FOXN3: variants seen among roughly 807,000 people sequenced by gnomAD.
FOXN3 encodes forkhead box protein N3.
FOXN3 carries 7 observed loss-of-function variants against 38.4 expected under a neutral mutation model. The observed-to-expected ratio is 0.18, with a 90% CI of 0.10 to 0.34. FOXN3 has a LOEUF of 0.34. Among genes scored for constraint, FOXN3 ranks in the 10% least tolerant of loss-of-function variants. FOXN3 has a pLI of 1.00. For missense variants in FOXN3, 456 were observed against 613.4 expected (o/e 0.74, Z 2.71); for synonymous variants, 230 against 242.2 (o/e 0.95, Z 0.47).
chr14:89,379,516 C>T (rs1890579916), intron 2 of FOXN3, among the ~76,000 whole-genome samples: 1 of 152,072 alleles, frequency 6.6e-6, no homozygotes, highest in South Asian at 2.1e-4. Context: ...GGCAAGTGTG[C>T]CCTGGGGAGC....
At chr14:89,465,699 G>C (rs1385240368) in intron 1 of FOXN3, among the ~76,000 whole-genome samples, 1 of 152,140 alleles carries the variant, frequency 6.6e-6, no homozygotes, top group Non-Finnish European at 1.5e-5. Context: ...TCCAACTTGA[G>C]CTATTTATCA....
At chr14:89,337,211 T>C (rs909619993) in intron 3 of FOXN3, among the ~76,000 whole-genome samples, 7 of 152,222 alleles carry the variant, frequency 4.6e-5, no homozygotes, top group South Asian at 2.1e-4. Flanking sequence ...CTTCCTCTTT[T>C]AGCAGGTAGA....
At chr14:89,577,772 T>C (rs77770238) in intron 1 of FOXN3, among the ~76,000 whole-genome samples, 4 of 152,178 alleles carry the variant, frequency 2.6e-5, no homozygotes, top group Non-Finnish European at 4.4e-5. Flanking sequence ...TGAACAAATA[T>C]GGAAATTTTC....
At chr14:89,312,277 T>A in intron 3 of FOXN3, among the ~76,000 whole-genome samples, 2 of 16,214 alleles carry the variant, frequency 1.2e-4, no homozygotes, top group African/African-American at 3.4e-4. Flanking sequence ...AGAGCAAGAC[T>A]CGGTCTCAAA....
At chr14:89,453,559 C>CAAAAAAAAAAAAAAAAAAAAAAAAAA (rs35296047) in intron 1 of FOXN3, among the ~76,000 whole-genome samples, 1 of 72,752 alleles carries the variant, frequency 1.4e-5, no homozygotes, top group Non-Finnish European at 2.5e-5. Flanking sequence ...GACTCCGTCT[C>CAAAAAAAAAAAAAAAAAAAAAAAAAA]AAAAAAAAAA....
At chr14:89,363,988 A>ATATATATATATT (rs1420813459) in intron 2 of FOXN3, among the ~76,000 whole-genome samples, 1 of 52,066 alleles carries the variant, frequency 1.9e-5, no homozygotes, top group African/African-American at 8.9e-5. Context: ...ATATATATAT[A>ATATATATATATT]ATATATATAT....
At chr14:89,569,974 G>A (rs952557841) in intron 1 of FOXN3, among the ~76,000 whole-genome samples, 3 of 151,816 alleles carry the variant, frequency 2.0e-5, no homozygotes, top group African/African-American at 7.3e-5. Context: ...CCACAGGGAA[G>A]ACAGGAAACA....
At position 89,490,104 on chromosome 14, in the gene FOXN3, G is replaced by A. The variant is rs1381404364; in HGVS notation, c.-14-77614C>T. On this transcript the variant is annotated intron_variant, in intron 1 of 6. Coordinates refer to the FOXN3 transcript ENST00000345097. The stretch of plus-strand genomic sequence containing the variant: ...GAGATCTTTTTTGCCACAGTGCTGC[G>A]CCCAGCTGGCCCAGTGATACGGTGC... 5.9e-5 allele frequency among the ~76,000 whole-genome samples: 9 copies of A among 152,298 alleles called. No individual in the cohort carries two copies. The East Asian group carries it at 1.3e-3, about 23-fold the overall frequency.
chr14:89,211,522 A>G (rs575418218), intron 4 of FOXN3, among the ~76,000 whole-genome samples: 1 of 152,348 alleles, frequency 6.6e-6, no homozygotes, highest in South Asian at 2.1e-4. Context: ...AAAGAACAGG[A>G]AACAGGCTAC....
intron 1 of FOXN3, among the ~76,000 whole-genome samples, chr14:89,457,570 G>A (rs1386496836): frequency 6.6e-6 from 1 of 152,180 alleles, no homozygotes; most frequent in African/African-American, 2.4e-5. Context: ...GGAAGAAAGG[G>A]AGATTGTATT....
chr14:89,575,411 G>A (rs1895589421), intron 1 of FOXN3, among the ~76,000 whole-genome samples: 2 of 152,126 alleles, frequency 1.3e-5, no homozygotes, highest in South Asian at 4.1e-4. Context: ...ATAGGGAGAA[G>A]GGATAAACAC....
At chr14:89,329,744 T>C (rs1225789747) in intron 3 of FOXN3, among the ~76,000 whole-genome samples, 1 of 149,866 alleles carries the variant, frequency 6.7e-6, no homozygotes, top group East Asian at 2.0e-4. Flanking sequence ...CTGTCCCAGC[T>C]ACTAGGGAGG....
chr14:89,379,735 G>A (rs569677500), intron 2 of FOXN3, among the ~76,000 whole-genome samples: 2 of 152,000 alleles, frequency 1.3e-5, no homozygotes, highest in East Asian at 1.9e-4. Context: ...TGCAACCTCC[G>A]CCCTCCCTCC....
intron 1 of FOXN3, among the ~76,000 whole-genome samples, chr14:89,478,030 A>C (rs1419788840): frequency 6.6e-6 from 1 of 152,134 alleles, no homozygotes; most frequent in Non-Finnish European, 1.5e-5. Context: ...TGTAATCGCC[A>C]ATGTTGGAGG....
Position 89,555,882 on chromosome 14 carries a change from G to GTGTGTGTGTGTGTGTGT in FOXN3, c.-15+63145_-15+63146insACACACACACACACACA, listed in dbSNP as rs58769284. On this transcript the variant is annotated intron_variant, in intron 1 of 6. Transcript: ENST00000345097. Reference sequence around the variant, plus strand: ...GTGTGTGTGTGTGTGTGTGTATGTGGGGGTGTATGTGGGGGTGTGTGTGTT... The same window carrying GTGTGTGTGTGTGTGTGT: ...GTGTGTGTGTGTGTGTGTGTATGTGGTGTGTGTGTGTGTGTGTGGGTGTATGTGGGGGTGTGTGTGTT... Among the ~76,000 whole-genome samples, 76 of 104,644 alleles carry GTGTGTGTGTGTGTGTGT rather than the reference G, an allele frequency of 7.3e-4. 3 individuals carry two copies. Among genetic ancestry groups the GTGTGTGTGTGTGTGTGT allele is most frequent in the South Asian group, 1.5e-3 (4 of 2,668 alleles). 68.7% of individuals were successfully genotyped at this position (104,644 alleles called of 152,430 possible).
At chr14:89,340,839 G>A (rs1459681482) in intron 3 of FOXN3, among the ~76,000 whole-genome samples, 1 of 152,082 alleles carries the variant, frequency 6.6e-6, no homozygotes, top group Non-Finnish European at 1.5e-5. Context: ...TAATTGTAGG[G>A]CATGAATCAA....
At chr14:89,343,718 T>G (rs1888684367) in intron 3 of FOXN3, among the ~76,000 whole-genome samples, 2 of 126,456 alleles carry the variant, frequency 1.6e-5, no homozygotes, top group Non-Finnish European at 3.4e-5. Flanking sequence ...TGTCTGGAAT[T>G]TATTCCAAAA....
At chr14:89,360,728 C>CACCTCCAGCACCACCACCACCACT (rs1555421101) in intron 2 of FOXN3, among the ~76,000 whole-genome samples, 1 of 111,336 alleles carries the variant, frequency 9.0e-6, no homozygotes, top group Non-Finnish European at 1.9e-5. Flanking sequence ...CCTCCACCAC[C>CACCTCCAGCACCACCACCACCACT]ACCACCTCCA....
At chr14:89,194,291 T>A (rs1381782136) in intron 4 of FOXN3, among the ~76,000 whole-genome samples, 1 of 152,200 alleles carries the variant, frequency 6.6e-6, no homozygotes, top group Non-Finnish European at 1.5e-5. Context: ...TCTTTTATGT[T>A]TTCATTTGTG....
Sources: allele counts gnomAD v4.1 joint callset (sites outside exome capture counted in the v4.1 genomes callset), GRCh38; gene constraint gnomAD v4.1.1; transcripts MANE v1.5; gene names NCBI Gene and HGNC (gene_info 2026-07-23, HGNC 2026-07-21).